The following KCNG2 variants were observed in gnomAD, a reference collection of about 807,000 sequenced individuals.
The protein encoded by KCNG2 is potassium voltage-gated channel modifier subfamily G member 2.
Under a neutral mutation model 12.3 loss-of-function variants are expected in KCNG2, and 7 were observed. That is an observed-to-expected ratio of 0.57 (90% confidence interval 0.32 to 1.07). The LOEUF (loss-of-function observed/expected upper bound fraction) is 1.07. Among genes scored for constraint, KCNG2 ranks in the 50% least tolerant of loss-of-function variants. The pLI is 0.04. For synonymous variants in KCNG2, 414 were observed against 351.4 expected (o/e 1.18, Z -1.99); for missense variants, 703 against 726.0 (o/e 0.97, Z 0.36).
Position 79,899,650 on chromosome 18 carries a change from A to G in KCNG2, c.1235A>G (p.Tyr412Cys). ...TSIFHTFSRS[Y>C]SELKEQQQRA... ...ATCTTCCACACCTTTTCGCGCTCCT[A>G]CTCCGAGCTCAAGGAGCAGCAGCAG... The change falls in exon 4 of 4, where the codon TAC becomes TGC. Residue 412 changes from tyrosine to cysteine, a missense_variant. Coordinates refer to ENST00000316249, the MANE Select transcript of KCNG2 (RefSeq NM_012283.2). 1 of 1,604,766 alleles carries G rather than the reference A, an allele frequency of 6.2e-7. No homozygotes were observed. Among genetic ancestry groups the G allele is most frequent in the Non-Finnish European group, 8.5e-7 (1 of 1,176,528 alleles).
At chr18:79,821,323 CTT>C (rs2087568760) in intron 1 of KCNG2, among the ~76,000 whole-genome samples, 1 of 130,772 alleles carries the variant, frequency 7.6e-6, no homozygotes, top group African/African-American at 2.9e-5. Flanking sequence ...GAGCCTGGCT[CTT>C]GTCACCCAGG....
intron 1 of KCNG2, among the ~76,000 whole-genome samples, chr18:79,801,007 C>A (rs2087405506): frequency 6.6e-6 from 1 of 152,216 alleles, no homozygotes; most frequent in Non-Finnish European, 1.5e-5. Flanking sequence ...TGTTGAGGCA[C>A]TGTGAACTAT....
At chr18:79,844,397 G>A (rs1018783877) in intron 1 of KCNG2, among the ~76,000 whole-genome samples, 7 of 152,100 alleles carry the variant, frequency 4.6e-5, no homozygotes, top group African/African-American at 1.4e-4. Context: ...CAGGGGATTG[G>A]GGGTGGAGGA....
At chr18:79,826,648 G>A (rs978252107) in intron 1 of KCNG2, among the ~76,000 whole-genome samples, 2 of 145,950 alleles carry the variant, frequency 1.4e-5, no homozygotes, top group East Asian at 4.1e-4. Flanking sequence ...CATTCGGCGC[G>A]TTACGTCATT....
intron 1 of KCNG2, among the ~76,000 whole-genome samples, chr18:79,824,099 C>G (rs116446809): frequency 6.6e-6 from 1 of 152,200 alleles, no homozygotes; most frequent in Admixed American, 6.5e-5. Context: ...GCCCCCCAGG[C>G]TCAGATGATC....
intron 1 of KCNG2, among the ~76,000 whole-genome samples, chr18:79,838,310 T>A (rs1978362502): frequency 1.3e-5 from 2 of 152,192 alleles, no homozygotes; most frequent in African/African-American, 4.8e-5. Context: ...CTCAGTGTGG[T>A]TCTCTGAGCA....
intron 3 of KCNG2, among the ~76,000 whole-genome samples, chr18:79,892,614 G>A (rs1359063822): frequency 1.3e-5 from 2 of 151,800 alleles, no homozygotes; most frequent in Non-Finnish European, 1.5e-5. Flanking sequence ...GTCTGTGGCC[G>A]CTTTTGACTG....
At chr18:79,857,787 G>A (rs1445640486) in intron 2 of KCNG2, among the ~76,000 whole-genome samples, 2 of 151,352 alleles carry the variant, frequency 1.3e-5, no homozygotes, top group African/African-American at 4.9e-5. Flanking sequence ...TTCACCTAAC[G>A]TTATATTTAC....
At chr18:79,836,706 A>T (rs1374937105) in intron 1 of KCNG2, among the ~76,000 whole-genome samples, 2 of 152,276 alleles carry the variant, frequency 1.3e-5, no homozygotes, top group East Asian at 1.9e-4. Context: ...GGAGAGAGAG[A>T]GTGAGTGAAG....
intron 2 of KCNG2, among the ~76,000 whole-genome samples, chr18:79,861,347 C>T (rs932201628): frequency 9.1e-5 from 13 of 143,340 alleles, no homozygotes; most frequent in African/African-American, 3.1e-4. Context: ...GGCGCGATCT[C>T]GGCTCACTGA....
chr18:79,894,580 T>C (rs1481595042), intron 3 of KCNG2, among the ~76,000 whole-genome samples: 1 of 152,188 alleles, frequency 6.6e-6, no homozygotes, highest in East Asian at 1.9e-4. Context: ...CTGCTTTTGA[T>C]TGGGTTGTTC....
At position 79,798,169 on chromosome 18, in the gene KCNG2, G is replaced by A. The variant is rs540041193; in HGVS notation, c.-115+155G>A. 5.4e-3 allele frequency among the ~76,000 whole-genome samples: 808 copies of A among 150,878 alleles called. 9 individuals carry two copies. The highest frequency in any genetic ancestry group is 5.5e-3 in the Non-Finnish European group (372 of 67,614). ...GCGCGGTGCGCGCGGGCGCGGGAGG[G>A]TCGAAGGGGACCTTGGAATCCCCCT... On this transcript the variant is annotated intron_variant, in intron 1 of 3. Transcript: ENST00000316249.
chr18:79,885,734 G>A (rs1980501415), intron 3 of KCNG2, among the ~76,000 whole-genome samples: 1 of 152,238 alleles, frequency 6.6e-6, no homozygotes. Flanking sequence ...ACACACCGGG[G>A]ACACGAGGGA....
chr18:79,805,548 T>C (rs957685746), intron 1 of KCNG2, among the ~76,000 whole-genome samples: 23 of 152,188 alleles, frequency 1.5e-4, no homozygotes, highest in Admixed American at 1.2e-3. Flanking sequence ...CCTTTTTTTT[T>C]TCTTCTATCG....
chr18:79,888,677 G>A (rs1448020534), intron 3 of KCNG2, among the ~76,000 whole-genome samples: 1 of 152,096 alleles, frequency 6.6e-6, no homozygotes, highest in East Asian at 1.9e-4. Flanking sequence ...TTTGAGGAAT[G>A]CCTCTTCAGA....
chr18:79,856,139 T>C (rs1277206124), intron 1 of KCNG2, among the ~76,000 whole-genome samples: 1 of 152,236 alleles, frequency 6.6e-6, no homozygotes, highest in Non-Finnish European at 1.5e-5. Flanking sequence ...GAAAGCCTTT[T>C]ACAGCAAAAG....
chr18:79,801,852 C>T (rs752424918), intron 1 of KCNG2, among the ~76,000 whole-genome samples: 11 of 152,218 alleles, frequency 7.2e-5, no homozygotes, highest in Admixed American at 1.3e-4. Context: ...TGCTCTCACC[C>T]GTGTCCCCGC....
intron 1 of KCNG2, among the ~76,000 whole-genome samples, chr18:79,813,915 C>G (rs1388875797): frequency 6.6e-6 from 1 of 152,178 alleles, no homozygotes; most frequent in African/African-American, 2.4e-5. Flanking sequence ...AACAAATATT[C>G]AAAACATGTC....
intron 3 of KCNG2, among the ~76,000 whole-genome samples, chr18:79,883,458 T>C (rs1980399169): frequency 6.6e-6 from 1 of 152,208 alleles, no homozygotes; most frequent in African/African-American, 2.4e-5. Flanking sequence ...CAAAATAGAA[T>C]TTCTAGGTCA....
Sources: allele counts gnomAD v4.1 joint callset (sites outside exome capture counted in the v4.1 genomes callset), GRCh38; gene constraint gnomAD v4.1.1; transcripts MANE v1.5; gene names NCBI Gene and HGNC (gene_info 2026-07-23, HGNC 2026-07-21).